LAMC3: variants seen among roughly 807,000 people sequenced by gnomAD.
The protein encoded by LAMC3 is laminin subunit gamma-3.
In LAMC3, 128 loss-of-function variants were observed where a neutral mutation model predicts 173.8. The observed-to-expected ratio is 0.74, with a 90% CI of 0.64 to 0.85. LAMC3 has a LOEUF of 0.85. LAMC3 is among the 40% of genes least tolerant of loss of function. LAMC3 has a pLI of 0.00. For synonymous variants in LAMC3, 897 were observed against 909.1 expected (o/e 0.99, Z 0.24); for missense variants, 2,022 against 2,156.0 (o/e 0.94, Z 1.23).
chr9:131,056,435 A>G (rs531061659), intron 11 of LAMC3, among the ~76,000 whole-genome samples: 1 of 151,630 alleles, frequency 6.6e-6, no homozygotes, highest in South Asian at 2.1e-4. Context: ...ATTCTCAGCC[A>G]TATCTATTTC....
intron 7 of LAMC3, among the ~76,000 whole-genome samples, chr9:131,044,080 T>C (rs1834104477): frequency 6.6e-6 from 1 of 151,082 alleles, no homozygotes; most frequent in Admixed American, 6.6e-5. Flanking sequence ...TGCCTCAGCC[T>C]CCTAAGTAGC....
intron 3 of LAMC3, among the ~76,000 whole-genome samples, chr9:131,034,559 T>C (rs1833906238): frequency 6.6e-6 from 1 of 151,714 alleles, no homozygotes; most frequent in Admixed American, 6.6e-5. Flanking sequence ...CCACGTGGAG[T>C]CGATGAGGAC....
intron 3 of LAMC3, among the ~76,000 whole-genome samples, chr9:131,035,495 A>G (rs535865980): frequency 5.3e-5 from 8 of 152,180 alleles, no homozygotes; most frequent in Admixed American, 1.3e-4. Context: ...CTCACTCTAC[A>G]GTACCACGGG....
chr9:131,092,891 CT>C lies in LAMC3; in HGVS notation c.*1105del, dbSNP rs2133360254. On this transcript the variant is annotated 3_prime_UTR_variant, in exon 28 of 28. Coordinates refer to ENST00000361069, the MANE Select transcript of LAMC3 (RefSeq NM_006059.4). ...TCCTCAGCATTTCCTCTTGGCATCCCTCCCCTCTCCCAGACCCTCTTCCAGC... is the reference window on the plus strand; with the variant it reads ...TCCTCAGCATTTCCTCTTGGCATCCCCCCCTCTCCCAGACCCTCTTCCAGC... 1.3e-5 allele frequency: 2 copies of C among 152,616 alleles called. No homozygotes were observed. Among genetic ancestry groups the C allele is most frequent in the Non-Finnish European group, 2.9e-5 (2 of 68,228 alleles). 9.5% of individuals were successfully genotyped at this position (152,616 alleles called of 1,614,324 possible).
At chr9:131,080,011 T>G (rs1019749490) in intron 23 of LAMC3, among the ~76,000 whole-genome samples, 2 of 152,218 alleles carry the variant, frequency 1.3e-5, no homozygotes, top group Admixed American at 1.3e-4. Context: ...CTTGCTCTAT[T>G]GCCTGGGCTA....
intron 3 of LAMC3, among the ~76,000 whole-genome samples, chr9:131,034,315 G>A (rs1473716638): frequency 1.3e-5 from 2 of 152,216 alleles, no homozygotes; most frequent in East Asian, 3.8e-4. Flanking sequence ...CTGTCCCCAG[G>A]ATTGCCTGGC....
chr9:131,038,553 A>C (rs1031034885), intron 4 of LAMC3, among the ~76,000 whole-genome samples: 1 of 152,206 alleles, frequency 6.6e-6, no homozygotes. Context: ...TCCAGAAGGC[A>C]GCCAGCCTCT....
chr9:131,049,056 CTG>C lies in LAMC3; in HGVS notation c.1557_1558del (p.Glu520AlafsTer70). The C allele has an allele frequency of 6.4e-7, 1 of 1,551,978 alleles. No homozygotes were observed. The highest frequency in any genetic ancestry group is 1.2e-5 in the South Asian group (1 of 84,060). The stretch of plus-strand genomic sequence containing the variant: ...TGGTGGGCCAGAAGTGTGGGGGGCT[CTG>C]AGCACCCCCCACAATGGAGCCCAAA... On this transcript the variant is annotated frameshift_variant, in exon 9 of 28. Transcript: ENST00000361069. LOFTEE classifies it high-confidence loss of function.
intron 7 of LAMC3, among the ~76,000 whole-genome samples, chr9:131,042,286 C>T (rs924484986): frequency 6.6e-6 from 1 of 151,582 alleles, no homozygotes; most frequent in African/African-American, 2.4e-5. Context: ...CACGGCAGAC[C>T]TATCACAGCC....
intron 17 of LAMC3, among the ~76,000 whole-genome samples, chr9:131,070,618 G>A (rs1035307524): frequency 6.6e-6 from 1 of 152,138 alleles, no homozygotes; most frequent in Non-Finnish European, 1.5e-5. Flanking sequence ...GGCTGAGGCA[G>A]GAGAATTGCT....
chr9:131,040,551 A>C (rs1179675407), intron 6 of LAMC3, among the ~76,000 whole-genome samples: 1 of 152,166 alleles, frequency 6.6e-6, no homozygotes, highest in Non-Finnish European at 1.5e-5. Flanking sequence ...GCAGAAACAC[A>C]TTGGGGATAT....
At chr9:131,023,049 G>A (rs1833655236) in intron 1 of LAMC3, among the ~76,000 whole-genome samples, 1 of 152,114 alleles carries the variant, frequency 6.6e-6, no homozygotes, top group Admixed American at 6.5e-5. Context: ...GGTGATTTTA[G>A]CTTCTGCCAC....
At chr9:131,059,586 C>G (rs1829768327) in intron 12 of LAMC3, among the ~76,000 whole-genome samples, 2 of 145,050 alleles carry the variant, frequency 1.4e-5, no homozygotes, top group South Asian at 4.8e-4. Flanking sequence ...ACAGGGCACT[C>G]TGTCTTCTTG....
At chr9:131,031,218 G>A (rs764717639) in intron 2 of LAMC3, among the ~76,000 whole-genome samples, 2 of 152,246 alleles carry the variant, frequency 1.3e-5, no homozygotes, top group Non-Finnish European at 2.9e-5. Context: ...GCTCCTGGGC[G>A]GAATCAAAAC....
rs1337567573 is a variant in LAMC3 at position 131,061,192 on chromosome 9, G to A, written c.2316G>A (p.Val772=). 1.2e-6 allele frequency: 2 copies of A among 1,609,882 alleles called. No homozygotes were observed. The highest frequency in any genetic ancestry group is 1.7e-6 in the Non-Finnish European group (2 of 1,179,856). The change falls in exon 13 of 28, where the codon GTG becomes GTA. Residue 772 remains valine (V), a synonymous_variant. Transcript: ENST00000361069. ...CGACCATCCCAGAGAGCCGGGAGGT[G>A]GTGTGTACCCACTGCCCCCCGGGCC... ...ACTTIPESRE[V]VCTHCPPGQR...
Position 131,009,555 on chromosome 9 carries a change from A to G in LAMC3, c.341A>G (p.Tyr114Cys), listed in dbSNP as rs1320195044. 3.2e-6 allele frequency: 5 copies of G among 1,569,822 alleles called. No individual in the cohort carries two copies. In the Admixed American group the frequency reaches 5.5e-5, roughly 17 times the overall value. The change falls in exon 1 of 28, where the codon TAC becomes TGC. Residue 114 changes from tyrosine (Y) to cysteine (C), a missense_variant. Transcript: ENST00000361069. The surrounding 1 kb of genome is among the most constrained non-coding windows in gnomAD (Gnocchi z 4.3). ...CCGTCCATGGCCTTCGGCGTGCAGT[A>G]CCCCACCTCGGTCAACATCACCCTC... ...QSPSMAFGVQ[Y>C]PTSVNITLRL...
intron 1 of LAMC3, among the ~76,000 whole-genome samples, chr9:131,016,302 G>T (rs1833518947): frequency 6.6e-6 from 1 of 152,182 alleles, no homozygotes; most frequent in Non-Finnish European, 1.5e-5. Context: ...AGTTTGGGAA[G>T]ATGAAAGAGT....
intron 7 of LAMC3, among the ~76,000 whole-genome samples, chr9:131,043,164 G>A (rs1196210033): frequency 1.3e-5 from 2 of 152,182 alleles, no homozygotes; most frequent in East Asian, 1.9e-4. Flanking sequence ...TCTGATCATG[G>A]TACAAATGGG....
chr9:131,067,218 C>T lies in LAMC3; in HGVS notation c.2593+13C>T. ...GACAAATGCATGCGTGAGTACCTAC[C>T]TCCAGACCCCAGGGTGGCACATGGT... is the stretch of plus-strand genomic sequence containing the variant. On this transcript the variant is annotated intron_variant, in intron 14 of 27. Coordinates refer to ENST00000361069, the MANE Select transcript of LAMC3 (RefSeq NM_006059.4). The T allele has an allele frequency of 6.2e-7, 1 of 1,612,682 alleles. No homozygotes were observed.
Sources: allele counts gnomAD v4.1 joint callset (sites outside exome capture counted in the v4.1 genomes callset), GRCh38; gene constraint gnomAD v4.1.1; non-coding constraint Gnocchi (gnomAD v3.1); transcripts MANE v1.5; gene names NCBI Gene and HGNC (gene_info 2026-07-23, HGNC 2026-07-21).